Variants in GRID2 observed in about 807,000 individuals in gnomAD.
The protein encoded by GRID2 is glutamate ionotropic receptor delta type subunit 2.
GRID2 carries 33 observed loss-of-function variants against 114.8 expected under a neutral mutation model. The observed-to-expected ratio is 0.29, with a 90% CI of 0.22 to 0.38. The LOEUF (loss-of-function observed/expected upper bound fraction) is 0.38, where lower values mean the gene tolerates loss of function less well. Ranked by LOEUF, GRID2 falls within the 10% of genes least tolerant of loss-of-function variation. The pLI is 1.00. For synonymous variants in GRID2, 505 were observed against 449.9 expected, an observed-to-expected ratio of 1.12 and a Z score of -1.55; for missense variants, 1,184 against 1,257.7, an observed-to-expected ratio of 0.94 and a Z score of 0.89.
chr4:93,284,245 C>G (rs187260037), intron 8 of GRID2, among the ~76,000 whole-genome samples: 194 of 152,042 alleles, frequency 1.3e-3, no homozygotes, highest in African/African-American at 4.0e-3. Context: ...TTTTTACTTC[C>G]CATTTCTTTA....
intron 2 of GRID2, among the ~76,000 whole-genome samples, chr4:92,846,292 A>G (rs891598213): frequency 2.6e-5 from 4 of 152,034 alleles, no homozygotes; most frequent in African/African-American, 9.7e-5. Context: ...AGTACCTAAT[A>G]GGTATTTTTT....
At chr4:92,783,570 T>C (rs1252809175) in intron 2 of GRID2, among the ~76,000 whole-genome samples, 1 of 152,104 alleles carries the variant, frequency 6.6e-6, no homozygotes, top group African/African-American at 2.4e-5. Context: ...TACTTAATTT[T>C]ATGTCATTAG....
chr4:93,372,479 GC>G (rs1763023292), intron 8 of GRID2, among the ~76,000 whole-genome samples: 2 of 152,018 alleles, frequency 1.3e-5, no homozygotes, highest in South Asian at 4.1e-4. Flanking sequence ...ATTGTGTCCT[GC>G]TTTTGCTTAT....
chr4:93,345,039 A>G (rs545842017), intron 8 of GRID2, among the ~76,000 whole-genome samples: 1 of 147,744 alleles, frequency 6.8e-6, no homozygotes, highest in Admixed American at 6.9e-5. Flanking sequence ...CATTTTCTTC[A>G]TTCAATCATC....
intron 2 of GRID2, among the ~76,000 whole-genome samples, chr4:92,684,922 T>C (rs1733829039): frequency 6.6e-6 from 1 of 152,090 alleles, no homozygotes; most frequent in Non-Finnish European, 1.5e-5. Flanking sequence ...TGCAGTATTT[T>C]ATTTAGAATG....
Position 93,489,549 on chromosome 4 carries a change from G to A in GRID2, c.1859-1090G>A, listed in dbSNP as rs538154991. 6.6e-5 allele frequency among the ~76,000 whole-genome samples: 10 copies of A among 151,998 alleles called. No individual in the cohort carries two copies. In the South Asian group the frequency reaches 1.9e-3, roughly 28 times the overall value. The stretch of plus-strand genomic sequence containing the variant: ...TAAAGGCACCATGGTAATAGACTTA[G>A]GAGAGGTACTCTCTAGAATGTAAGT... On this transcript the variant is annotated intron_variant, in intron 11 of 15. Coordinates refer to ENST00000282020, the MANE Select transcript of GRID2 (RefSeq NM_001510.4).
rs552196764 is a variant in GRID2, at chr4:93,248,959, A to ATTG, written c.1245+10470_1245+10472dup. ...TTAAGCTATTCTGTAGTGACTGAAA[A>ATTG]TTGATTGATACTTGTTCCTTTGTTT... On this transcript the variant is annotated intron_variant, in intron 8 of 15. Coordinates refer to ENST00000282020, the MANE Select transcript of GRID2 (RefSeq NM_001510.4). 1.4e-4 allele frequency among the ~76,000 whole-genome samples: 22 copies of ATTG among 152,302 alleles called. No homozygotes were observed. In the East Asian group the frequency reaches 4.2e-3, roughly 29 times the overall value.
chr4:93,306,386 G>T (rs2149177565), intron 8 of GRID2: 1 of 152,338 alleles, frequency 6.6e-6, no homozygotes, highest in African/African-American at 2.4e-5. Context: ...GTTGGAAATT[G>T]ATTTTCACTT....
intron 13 of GRID2, among the ~76,000 whole-genome samples, chr4:93,566,249 C>G (rs1735407342): frequency 6.6e-6 from 1 of 152,076 alleles, no homozygotes; most frequent in Non-Finnish European, 1.5e-5. Context: ...GTGGATTAAA[C>G]TAAGTGCAAG....
intron 13 of GRID2, among the ~76,000 whole-genome samples, chr4:93,571,987 G>T (rs1055908300): frequency 6.6e-6 from 1 of 152,110 alleles, no homozygotes; most frequent in African/African-American, 2.4e-5. Flanking sequence ...ATACAGAAAG[G>T]TTTTTTAAAG....
intron 2 of GRID2, among the ~76,000 whole-genome samples, chr4:92,856,994 T>C (rs1173974397): frequency 2.0e-5 from 3 of 152,178 alleles, no homozygotes; most frequent in Non-Finnish European, 4.4e-5. Flanking sequence ...GTATTATATA[T>C]GTTAAAGGGA....
rs750190202 is a variant in GRID2 at position 93,626,257 on chromosome 4, A to AT, written c.2194-6dup. 5 of 1,542,466 alleles carry AT rather than the reference A, an allele frequency of 3.2e-6. No homozygotes were observed. In the East Asian group the frequency reaches 9.1e-5, roughly 28 times the overall value. On this transcript the variant is annotated splice_polypyrimidine_tract_variant and intron_variant, in intron 13 of 15. Transcript: ENST00000282020. ...AACCCTATTTCTTCTTTTGTTCTTC[A>AT]TTTTTTCACAGGTAAAATATGGAAA...
intron 2 of GRID2, among the ~76,000 whole-genome samples, chr4:92,944,603 C>G (rs559266979): frequency 1.3e-5 from 2 of 152,208 alleles, no homozygotes; most frequent in Non-Finnish European, 2.9e-5. Context: ...GGGAGATGAA[C>G]CTGGTATCTC....
At position 92,624,818 on chromosome 4, in the gene GRID2, A is replaced by G. The variant is rs556612001; in HGVS notation, c.244+34532A>G. Reference sequence around the variant, plus strand: ...CATACAGAAACCTACTATGAATGAGATTATTTTATTAAAAAGGAAAAAAAT... The same window carrying G: ...CATACAGAAACCTACTATGAATGAGGTTATTTTATTAAAAAGGAAAAAAAT... On this transcript the variant is annotated intron_variant, in intron 2 of 15. Coordinates refer to ENST00000282020, the MANE Select transcript of GRID2 (RefSeq NM_001510.4). Among the ~76,000 whole-genome samples the G allele has an allele frequency of 3.3e-5, 5 of 151,920 alleles. No homozygotes were observed. In the South Asian group the frequency reaches 1.0e-3, roughly 32 times the overall value.
chr4:93,095,164 T>G (rs777986950), intron 3 of GRID2, among the ~76,000 whole-genome samples: 1 of 151,956 alleles, frequency 6.6e-6, no homozygotes, highest in East Asian at 1.9e-4. Flanking sequence ...CTGGGACACA[T>G]GTGCAGAATG....
intron 2 of GRID2, among the ~76,000 whole-genome samples, chr4:92,649,846 G>C (rs1412088643): frequency 6.6e-6 from 1 of 151,970 alleles, no homozygotes; most frequent in Non-Finnish European, 1.5e-5. Flanking sequence ...TAACTAAGTA[G>C]AGATGCTCTT....
chr4:93,701,017 C>A (rs750095047), intron 14 of GRID2, among the ~76,000 whole-genome samples: 4 of 152,004 alleles, frequency 2.6e-5, no homozygotes, highest in African/African-American at 4.8e-5. Flanking sequence ...ATAGCAAATT[C>A]TTAATAAGCA....
Position 92,975,441 on chromosome 4 carries a change from A to T in GRID2, c.245-109554A>T, listed in dbSNP as rs116735597. On this transcript the variant is annotated intron_variant, in intron 2 of 15. Coordinates refer to ENST00000282020, the MANE Select transcript of GRID2 (RefSeq NM_001510.4). ...TTGCAATTTGCCTTCCTAACCTATAATGGCCACAACATTAGTATCATTACT... is the reference window on the plus strand; with the variant it reads ...TTGCAATTTGCCTTCCTAACCTATATTGGCCACAACATTAGTATCATTACT... 5.3e-3 allele frequency among the ~76,000 whole-genome samples: 808 copies of T among 152,144 alleles called. 8 individuals are homozygous for T. The highest frequency in any genetic ancestry group is 0.019 in the African/African-American group (773 of 41,530).
intron 1 of GRID2, among the ~76,000 whole-genome samples, chr4:92,313,540 CAG>C (rs1395934298): frequency 1.3e-5 from 2 of 151,754 alleles, no homozygotes; most frequent in African/African-American, 4.8e-5. Flanking sequence ...GGAAGACGTG[CAG>C]AGAGAGAAGA....
Sources: allele counts gnomAD v4.1 joint callset (sites outside exome capture counted in the v4.1 genomes callset), GRCh38; gene constraint gnomAD v4.1.1; transcripts MANE v1.5; gene names NCBI Gene and HGNC (gene_info 2026-07-23, HGNC 2026-07-21).